DNAH6: variants seen among roughly 807,000 people sequenced by gnomAD.
DNAH6 encodes the protein axonemal beta dynein heavy chain 6.
In DNAH6, 340 loss-of-function variants were observed where a neutral mutation model predicts 491.4. The ratio of observed to expected loss-of-function variants is 0.69; its 90% CI spans 0.63 to 0.76. The LOEUF is 0.76. Among genes scored for constraint, DNAH6 ranks in the 30% least tolerant of loss-of-function variants. The pLI is 0.00. For synonymous variants in DNAH6, 1,603 were observed against 1,686.1 expected (o/e 0.95, Z 1.21); for missense variants, 4,443 against 4,972.2 (o/e 0.89, Z 3.20).
chr2:84,713,881 T>G (rs1264830911), intron 57 of DNAH6, among the ~76,000 whole-genome samples: 1 of 152,200 alleles, frequency 6.6e-6, no homozygotes, highest in Non-Finnish European at 1.5e-5. Flanking sequence ...CCCCTTCTCA[T>G]GCTCTTAGAT....
At chr2:84,512,235 A>C (rs1675362860), upstream of DNAH6, among the ~76,000 whole-genome samples, 1 of 152,178 alleles carries the variant, frequency 6.6e-6, no homozygotes, top group Non-Finnish European at 1.5e-5. Context: ...TAAAGAACAA[A>C]GAGTTATTTC....
At chr2:84,773,547 T>G (rs1675839884) in intron 64 of DNAH6, among the ~76,000 whole-genome samples, 1 of 152,070 alleles carries the variant, frequency 6.6e-6, no homozygotes, top group Non-Finnish European at 1.5e-5. Context: ...TGTGTCTTCT[T>G]AGTAGAACAA....
the DNAH6 span, among the ~76,000 whole-genome samples, chr2:84,477,114 A>T: frequency 6.6e-6 from 1 of 152,206 alleles, no homozygotes. Context: ...AAGTGGGACC[A>T]GGGGGCCATT....
intron 64 of DNAH6, chr2:84,778,329 TATTA>T (rs1461710572): frequency 4.6e-6 from 2 of 436,370 alleles, no homozygotes; most frequent in Non-Finnish European, 8.6e-6. Flanking sequence ...CGCCTGGCTT[TATTA>T]ATTCTTTGTA....
intron 4 of DNAH6, among the ~76,000 whole-genome samples, chr2:84,539,067 A>G (rs192263324): frequency 4.6e-5 from 7 of 152,240 alleles, no homozygotes; most frequent in Admixed American, 6.5e-5. Flanking sequence ...CAGGTTGTCT[A>G]ACACAGTGGC....
At chr2:84,684,051 C>T (rs1291271093) in intron 42 of DNAH6, among the ~76,000 whole-genome samples, 1 of 152,204 alleles carries the variant, frequency 6.6e-6, no homozygotes, top group African/African-American at 2.4e-5. Context: ...CTCTGTCATT[C>T]TTCTTTTTCT....
At chr2:84,718,852 A>C (rs962333795) in intron 59 of DNAH6, among the ~76,000 whole-genome samples, 5 of 152,244 alleles carry the variant, frequency 3.3e-5, no homozygotes, top group African/African-American at 1.2e-4. Flanking sequence ...AGTTCTATGC[A>C]GTGGGAATCT....
intron 2 of DNAH6, among the ~76,000 whole-genome samples, chr2:84,521,791 G>A (rs573079262): frequency 6.6e-6 from 1 of 151,660 alleles, no homozygotes; most frequent in Non-Finnish European, 1.5e-5. Context: ...GTACATGTGC[G>A]GCCTTATTTT....
intron 68 of DNAH6, among the ~76,000 whole-genome samples, chr2:84,789,836 C>T (rs755907919): frequency 8.5e-5 from 13 of 152,170 alleles, no homozygotes; most frequent in Non-Finnish European, 1.5e-4. Context: ...CTTTACAGAC[C>T]TAATTTGGCT....
chr2:84,633,169 A>G (rs1017980953), intron 29 of DNAH6, among the ~76,000 whole-genome samples: 3 of 152,190 alleles, frequency 2.0e-5, no homozygotes. Flanking sequence ...CTAAAGTAGT[A>G]CATTTCAGTG....
chr2:84,562,690 G>GAC (rs1680797320), intron 11 of DNAH6, among the ~76,000 whole-genome samples: 1 of 152,130 alleles, frequency 6.6e-6, no homozygotes, highest in Non-Finnish European at 1.5e-5. Flanking sequence ...AGGAAACCAG[G>GAC]CACAGCTTCC....
intron 68 of DNAH6, among the ~76,000 whole-genome samples, chr2:84,788,492 G>A (rs7580752): frequency 0.025 from 3,787 of 152,224 alleles, 130 homozygotes; most frequent in African/African-American, 0.082. Context: ...ATATGAAAAT[G>A]TGAAGGGCCT....
intron 52 of DNAH6, among the ~76,000 whole-genome samples, chr2:84,706,167 G>A (rs894017295): frequency 5.9e-5 from 9 of 152,154 alleles, no homozygotes; most frequent in African/African-American, 2.2e-4. Context: ...ATTTAGTGGA[G>A]CAGGTTACTG....
chr2:84,817,086 G>T (rs1359520723), intron 76 of DNAH6, among the ~76,000 whole-genome samples: 4 of 152,118 alleles, frequency 2.6e-5, no homozygotes, highest in Admixed American at 2.0e-4. Context: ...AGATTGTGAG[G>T]TCTCACAAAG....
chr2:84,486,735 A>T, the DNAH6 span, among the ~76,000 whole-genome samples: 1 of 152,192 alleles, frequency 6.6e-6, no homozygotes, highest in Non-Finnish European at 1.5e-5. Context: ...GGCAAGAAAG[A>T]AGGAGTTTTA....
chr2:84,615,051 T>C (rs2104363460), intron 22 of DNAH6, among the ~76,000 whole-genome samples: 2 of 151,636 alleles, frequency 1.3e-5, no homozygotes, highest in African/African-American at 4.9e-5. Flanking sequence ...CTTTCTTTTG[T>C]TGCATTTGCT....
chr2:84,790,643 A>G (rs981437707), intron 68 of DNAH6, among the ~76,000 whole-genome samples: 1 of 152,200 alleles, frequency 6.6e-6, no homozygotes, highest in Non-Finnish European at 1.5e-5. Flanking sequence ...AAGATGCTCA[A>G]TTTGTCATGA....
At chr2:84,736,209 AC>A (rs1390477336) in intron 62 of DNAH6, among the ~76,000 whole-genome samples, 3 of 151,900 alleles carry the variant, frequency 2.0e-5, no homozygotes, top group African/African-American at 7.2e-5. Flanking sequence ...CCATGTGTCT[AC>A]TTTTGTACCA....
At chr2:84,459,934 C>T in the DNAH6 span, 20 of 152,280 alleles carry the variant, frequency 1.3e-4, no homozygotes, top group African/African-American at 4.8e-4. Flanking sequence ...ATCATGCAGT[C>T]TTTGACTAGC....
Sources: allele counts gnomAD v4.1 joint callset (sites outside exome capture counted in the v4.1 genomes callset), GRCh38; gene constraint gnomAD v4.1.1; transcripts MANE v1.5; gene names NCBI Gene and HGNC (gene_info 2026-07-23, HGNC 2026-07-21).